The following MTUS2 variants were observed in gnomAD, a reference collection of about 807,000 sequenced individuals.
MTUS2 encodes microtubule associated scaffold protein 2.
A neutral mutation model predicts 114.1 loss-of-function variants in MTUS2; 40 were observed. That is an observed-to-expected ratio of 0.35 (90% CI 0.27 to 0.46). The LOEUF (loss-of-function observed/expected upper bound fraction) is 0.46, where lower values mean the gene tolerates loss of function less well. Among genes scored for constraint, MTUS2 ranks in the 20% least tolerant of loss-of-function variants. The pLI is 1.00. For missense variants in MTUS2, 1,679 were observed against 1,705.4 expected, an observed-to-expected ratio of 0.98 and a Z score of 0.27; for synonymous variants, 688 against 672.0, an observed-to-expected ratio of 1.02 and a Z score of -0.37.
intron 4 of MTUS2, among the ~76,000 whole-genome samples, chr13:29,092,120 A>G (rs1286420597): frequency 6.6e-6 from 1 of 152,230 alleles, no homozygotes; most frequent in Non-Finnish European, 1.5e-5. Context: ...TTGGGTTCCC[A>G]GTGAAACCAC....
intron 2 of MTUS2, among the ~76,000 whole-genome samples, chr13:28,985,330 C>G (rs1047897462): frequency 6.6e-6 from 1 of 152,094 alleles, no homozygotes; most frequent in Admixed American, 6.6e-5. Context: ...TGCAAAAATC[C>G]ACCACAGTGT....
At chr13:28,906,789 A>C (rs575416536) in intron 2 of MTUS2, among the ~76,000 whole-genome samples, 2 of 151,660 alleles carry the variant, frequency 1.3e-5, no homozygotes, top group South Asian at 4.2e-4. Flanking sequence ...CGCAGAGCTG[A>C]GGTGATGGGG....
At chr13:28,837,873 G>T (rs762258282) in intron 1 of MTUS2, among the ~76,000 whole-genome samples, 1 of 152,074 alleles carries the variant, frequency 6.6e-6, no homozygotes, top group Non-Finnish European at 1.5e-5. Flanking sequence ...GGGGAAAGTC[G>T]CTATTGGAAC....
chr13:28,927,474 G>A (rs1881385859), intron 2 of MTUS2, among the ~76,000 whole-genome samples: 1 of 152,184 alleles, frequency 6.6e-6, no homozygotes, highest in African/African-American at 2.4e-5. Flanking sequence ...GCTGAGGTGA[G>A]AGGATGTCTT....
At chr13:29,257,250 C>T (rs1235815637) in intron 5 of MTUS2, among the ~76,000 whole-genome samples, 1 of 152,184 alleles carries the variant, frequency 6.6e-6, no homozygotes, top group Admixed American at 6.5e-5. Context: ...CTTGCGGTGG[C>T]TTCGTGTTGC....
At chr13:28,877,239 A>T (rs1164790424) in intron 2 of MTUS2, among the ~76,000 whole-genome samples, 9 of 151,168 alleles carry the variant, frequency 6.0e-5, no homozygotes, top group Admixed American at 5.3e-4. Context: ...GATGGCATGA[A>T]CCCAGGAGGT....
intron 5 of MTUS2, among the ~76,000 whole-genome samples, chr13:29,217,077 T>G (rs1238557219): frequency 6.6e-6 from 1 of 152,214 alleles, no homozygotes; most frequent in Non-Finnish European, 1.5e-5. Context: ...TAATTACCCT[T>G]TAGTTGAATT....
intron 2 of MTUS2, among the ~76,000 whole-genome samples, chr13:28,930,857 G>A (rs1881578410): frequency 2.0e-5 from 3 of 152,170 alleles, no homozygotes; most frequent in African/African-American, 7.2e-5. Context: ...TAGGATTTGT[G>A]GGGTATTGGG....
chr13:28,823,663 T>C (rs149227676), intron 1 of MTUS2, among the ~76,000 whole-genome samples: 42 of 152,348 alleles, frequency 2.8e-4, no homozygotes, highest in African/African-American at 9.9e-4. Flanking sequence ...CAATTTTGTC[T>C]GTGCTCCCAC....
At position 28,887,040 on chromosome 13, in the gene MTUS2, C is replaced by T. The variant is rs532539388; in HGVS notation, c.-243+47190C>T. ...GGTACACAATAAATTGTGTTGACAA[C>T]GTGAGGTTCGAGTTGGAGATCAGCG... is the stretch of plus-strand genomic sequence containing the variant. On this transcript the variant is annotated intron_variant, in intron 2 of 15. Transcript: ENST00000612955. Among the ~76,000 whole-genome samples the T allele has an allele frequency of 1.2e-3, 190 of 152,264 alleles. 1 individual carries two copies. Among genetic ancestry groups the T allele is most frequent in the Non-Finnish European group, 2.2e-3 (148 of 68,022 alleles).
chr13:29,046,458 A>G (rs766030640), intron 4 of MTUS2, among the ~76,000 whole-genome samples: 13 of 152,194 alleles, frequency 8.5e-5, no homozygotes, highest in Non-Finnish European at 1.5e-4. Flanking sequence ...TCCTTATCTT[A>G]GCACTGGCAT....
At chr13:28,932,152 T>C (rs1248781145) in intron 2 of MTUS2, among the ~76,000 whole-genome samples, 1 of 152,182 alleles carries the variant, frequency 6.6e-6, no homozygotes, top group East Asian at 1.9e-4. Flanking sequence ...CCAATGGCTA[T>C]TCTCATCTAG....
intron 2 of MTUS2, among the ~76,000 whole-genome samples, chr13:28,996,551 T>C (rs1885116895): frequency 6.6e-6 from 1 of 152,190 alleles, no homozygotes; most frequent in Admixed American, 6.5e-5. Context: ...GTTGGTAAGC[T>C]ATTAATTATT....
chr13:29,197,822 G>A (rs576921374), intron 5 of MTUS2, among the ~76,000 whole-genome samples: 44 of 152,218 alleles, frequency 2.9e-4, no homozygotes, highest in African/African-American at 9.9e-4. Context: ...GATGATGAGC[G>A]TTTTTTCATA....
At chr13:29,217,081 T>A (rs140816161) in intron 5 of MTUS2, among the ~76,000 whole-genome samples, 21 of 152,344 alleles carry the variant, frequency 1.4e-4, no homozygotes, top group African/African-American at 4.6e-4. Context: ...TACCCTTTAG[T>A]TGAATTTTTC....
intron 5 of MTUS2, among the ~76,000 whole-genome samples, chr13:29,244,577 G>T (rs572836007): frequency 6.6e-6 from 1 of 152,124 alleles, no homozygotes; most frequent in African/African-American, 2.4e-5. Flanking sequence ...CATGGTTGGC[G>T]CATGCTATTG....
rs150686358 is a variant in MTUS2, at chr13:29,135,860, C to T, written c.2644+34890C>T. Among the ~76,000 whole-genome samples, 424 of 152,200 alleles carry T rather than the reference C, an allele frequency of 2.8e-3. 2 individuals carry two copies. The highest frequency in any genetic ancestry group is 9.7e-3 in the African/African-American group (403 of 41,558). On this transcript the variant is annotated intron_variant, in intron 5 of 15. Coordinates refer to ENST00000612955, the MANE Select transcript of MTUS2 (RefSeq NM_001033602.4). ...TTCTGTTGTTGATGTTACAAAATTA[C>T]GTCTTTATTTGTTGTGTGTCCAAAA...
At chr13:29,434,110 A>G (rs1451576757) in intron 8 of MTUS2, among the ~76,000 whole-genome samples, 1 of 152,180 alleles carries the variant, frequency 6.6e-6, no homozygotes, top group Non-Finnish European at 1.5e-5. Flanking sequence ...AAATTTACAT[A>G]TATATGTATT....
intron 14 of MTUS2, among the ~76,000 whole-genome samples, chr13:29,499,081 C>T (rs1416328054): frequency 6.6e-6 from 1 of 152,222 alleles, no homozygotes; most frequent in Non-Finnish European, 1.5e-5. Flanking sequence ...CCCTCAGGAC[C>T]TAATCCCCTC....
Sources: allele counts gnomAD v4.1 joint callset (sites outside exome capture counted in the v4.1 genomes callset), GRCh38; gene constraint gnomAD v4.1.1; transcripts MANE v1.5; gene names NCBI Gene and HGNC (gene_info 2026-07-23, HGNC 2026-07-21).